The following MAN2A1 variants were observed in gnomAD, a reference collection of about 807,000 sequenced individuals.
The protein encoded by MAN2A1 is mannosidase alpha class 2A member 1.
In MAN2A1, 76 loss-of-function variants were observed where a neutral mutation model predicts 142.6. The ratio of observed to expected loss-of-function variants is 0.53; its 90% confidence interval spans 0.44 to 0.65. The LOEUF (loss-of-function observed/expected upper bound fraction) is 0.65, where lower values mean the gene tolerates loss of function less well. MAN2A1 is among the 30% of genes least tolerant of loss of function. The pLI is 0.00. For synonymous variants in MAN2A1, 559 were observed against 473.2 expected (o/e 1.18, Z -2.35); for missense variants, 1,311 against 1,365.1 (o/e 0.96, Z 0.62).
intron 12 of MAN2A1, among the ~76,000 whole-genome samples, chr5:109,797,767 A>G (rs17162261): frequency 0.055 from 8,442 of 152,246 alleles, 236 homozygotes; most frequent in Non-Finnish European, 0.064. Context: ...TAGTTCAACT[A>G]AAAGGAAAAA....
Position 109,767,852 on chromosome 5 carries a change from TTCCCA to T in MAN2A1, c.1009+146_1009+150del, listed in dbSNP as rs559901606. On this transcript the variant is annotated intron_variant, in intron 6 of 21. Coordinates refer to ENST00000261483, the MANE Select transcript of MAN2A1 (RefSeq NM_002372.4). The stretch of plus-strand genomic sequence containing the variant: ...AAGATAGTCACTCTCGTAATTATTT[TTCCCA>T]TGTGCCTGTGTCAAGATTCTTTTAA... The T allele has an allele frequency of 1.4e-3, 927 of 639,316 alleles. 2 individuals carry two copies. Among genetic ancestry groups the T allele is most frequent in the Non-Finnish European group, 1.4e-3 (534 of 372,656 alleles). The allele number at this position is 639,316 out of a possible 1,614,324, so 39.6% of individuals were successfully genotyped here.
At chr5:109,823,911 TTAAA>T in intron 16 of MAN2A1, 74 bp downstream of exon 16, 1 of 677,100 alleles carries the variant, frequency 1.5e-6, no homozygotes, top group Non-Finnish European at 2.4e-6. Context: ...TATGCCATTC[TTAAA>T]TTAACAGTTG....
chr5:109,869,465 T>G lies in MAN2A1; in HGVS notation c.*2467T>G, dbSNP rs562395598. On this transcript the variant is annotated 3_prime_UTR_variant, in exon 22 of 22. Transcript: ENST00000261483. ...TGCCTTTGTTGTACTTGTGCCGAAG[T>G]GTTTTGATATTCCTTTGTCTGGAAG... 2 of 152,242 alleles carry G rather than the reference T, an allele frequency of 1.3e-5. No individual in the cohort carries two copies. Among genetic ancestry groups the G allele is most frequent in the Admixed American group, 6.5e-5 (1 of 15,284 alleles). 9.4% of individuals were successfully genotyped at this position (152,242 alleles called of 1,614,324 possible).
intron 12 of MAN2A1, among the ~76,000 whole-genome samples, chr5:109,816,701 A>T (rs1395849748): frequency 1.3e-5 from 2 of 152,198 alleles, no homozygotes; most frequent in Admixed American, 1.3e-4. Flanking sequence ...ATTAGGTAGG[A>T]ATCAGGGTAT....
chr5:109,776,190 A>G (rs932104762), intron 8 of MAN2A1, among the ~76,000 whole-genome samples: 13 of 152,052 alleles, frequency 8.5e-5, no homozygotes, highest in African/African-American at 3.1e-4. Context: ...AAAATACTAT[A>G]GAAAGGAAGT....
At chr5:109,752,791 C>CT (rs1320623073) in intron 4 of MAN2A1, among the ~76,000 whole-genome samples, 2 of 152,140 alleles carry the variant, frequency 1.3e-5, no homozygotes, top group African/African-American at 4.8e-5. Context: ...AGTCTTTAAC[C>CT]TTTAAGTACA....
chr5:109,727,562 G>A (rs1751779860), intron 3 of MAN2A1, among the ~76,000 whole-genome samples: 1 of 152,062 alleles, frequency 6.6e-6, no homozygotes, highest in Non-Finnish European at 1.5e-5. Context: ...TGAAATTTTG[G>A]GTAACCAATA....
Position 109,867,143 on chromosome 5 carries a change from T to C in MAN2A1, c.*145T>C. 5.7e-6 allele frequency: 2 copies of C among 349,660 alleles called. No homozygotes were observed. Among genetic ancestry groups the C allele is most frequent in the Non-Finnish European group, 5.2e-6 (1 of 191,490 alleles). The allele number at this position is 349,660 out of a possible 1,614,324, so 21.7% of individuals were successfully genotyped here. On this transcript the variant is annotated 3_prime_UTR_variant, in exon 22 of 22. Transcript: ENST00000261483. ...TCTGTGGGTTTTTTCTTTTTTCTTT[T>C]ACCAGTACAGTAAGAAAAAAAAAAA...
intron 4 of MAN2A1, among the ~76,000 whole-genome samples, chr5:109,743,309 T>C (rs1196277306): frequency 2.0e-5 from 3 of 152,212 alleles, no homozygotes; most frequent in Non-Finnish European, 4.4e-5. Context: ...TTTGGACTAC[T>C]TCCAGATCTA....
At chr5:109,850,247 G>A (rs1755451099) in intron 19 of MAN2A1, among the ~76,000 whole-genome samples, 1 of 152,140 alleles carries the variant, frequency 6.6e-6, no homozygotes, top group Admixed American at 6.6e-5. Flanking sequence ...ATAGATGAAT[G>A]AGCTGTTAGA....
Position 109,707,869 on chromosome 5 carries a change from C to T in MAN2A1, c.136-5651C>T, listed in dbSNP as rs141021005. Reference sequence around the variant, plus strand: ...AAGCCCTTTACTGGAGATCTGAGGACTGTAGGTGTCTTTTTGAGGAGGATG... The same window carrying T: ...AAGCCCTTTACTGGAGATCTGAGGATTGTAGGTGTCTTTTTGAGGAGGATG... On this transcript the variant is annotated intron_variant, in intron 1 of 21. Coordinates refer to ENST00000261483, the MANE Select transcript of MAN2A1 (RefSeq NM_002372.4). Among the ~76,000 whole-genome samples, 16 of 152,212 alleles carry T rather than the reference C, an allele frequency of 1.1e-4. No homozygotes were observed. In the East Asian group the frequency reaches 3.1e-3, roughly 29 times the overall value.
Position 109,774,845 on chromosome 5 carries a change from TCTC to T in MAN2A1, c.1257_1259del (p.Leu420del). ...AGTCAAAGCTTTTTCGTACCAAAGT[TCTC>T]CTGGCTCCACTAGGAGATGATTTCC... On this transcript the variant is annotated inframe_deletion, in exon 8 of 22. Transcript: ENST00000261483. 1 of 1,613,220 alleles carries T rather than the reference TCTC, an allele frequency of 6.2e-7. No homozygotes were observed. Among genetic ancestry groups the T allele is most frequent in the Non-Finnish European group, 8.5e-7 (1 of 1,179,626 alleles).
At position 109,701,020 on chromosome 5, in the gene MAN2A1, G is replaced by A. The variant is rs193022538; in HGVS notation, c.135+10468G>A. Among the ~76,000 whole-genome samples the A allele has an allele frequency of 4.1e-4, 63 of 152,324 alleles. 1 individual carries two copies. The highest frequency in any genetic ancestry group is 6.8e-3 in the Middle Eastern group (2 of 294). On this transcript the variant is annotated intron_variant, in intron 1 of 21. Coordinates refer to ENST00000261483, the MANE Select transcript of MAN2A1 (RefSeq NM_002372.4). The stretch of plus-strand genomic sequence containing the variant: ...AGTTAAAGAGGTTAGAATGTTGCCT[G>A]GCATATAGTAAGTGCTCAGTAAATG...
At chr5:109,719,500 G>T (rs1006122183) in intron 3 of MAN2A1, among the ~76,000 whole-genome samples, 4 of 152,144 alleles carry the variant, frequency 2.6e-5, no homozygotes, top group African/African-American at 9.6e-5. Context: ...AAGTCAAAAT[G>T]TGACACTATA....
At chr5:109,845,734 A>T in intron 17 of MAN2A1, 131 bp from the exon 18 acceptor site, 1 of 593,646 alleles carries the variant, frequency 1.7e-6, no homozygotes, top group Non-Finnish European at 2.7e-6. Flanking sequence ...TAATTTTTAA[A>T]TTATTTCTTC....
intron 16 of MAN2A1, among the ~76,000 whole-genome samples, chr5:109,825,335 G>A (rs1041669085): frequency 6.6e-6 from 1 of 152,090 alleles, no homozygotes; most frequent in Non-Finnish European, 1.5e-5. Flanking sequence ...ACACACTTTG[G>A]CACAAACTTG....
intron 16 of MAN2A1, among the ~76,000 whole-genome samples, chr5:109,829,609 A>G (rs763744602): frequency 1.2e-4 from 18 of 152,290 alleles, no homozygotes; most frequent in Non-Finnish European, 2.1e-4. Context: ...CTTCAGAATC[A>G]TACTGGTAAA....
At chr5:109,730,446 A>G (rs1751871498) in intron 4 of MAN2A1, among the ~76,000 whole-genome samples, 1 of 151,980 alleles carries the variant, frequency 6.6e-6, no homozygotes, top group Non-Finnish European at 1.5e-5. Context: ...TTTTCTTCAG[A>G]TATTGCTTTT....
intron 3 of MAN2A1, among the ~76,000 whole-genome samples, chr5:109,721,232 G>T (rs1380797681): frequency 6.6e-6 from 1 of 152,108 alleles, no homozygotes; most frequent in African/African-American, 2.4e-5. Context: ...TGTAAAATCT[G>T]TGTTTTTTCC....
Sources: gnomAD v4.1 joint callset for allele counts (sites outside exome capture counted in the v4.1 genomes callset) on GRCh38, gnomAD v4.1.1 for gene constraint, MANE v1.5 for transcripts, NCBI Gene and HGNC (gene_info 2026-07-23, HGNC 2026-07-21) for gene names.